ANK3: variants seen among roughly 807,000 people sequenced by gnomAD.
ANK3 encodes the protein ankyrin 3.
Under a neutral mutation model 370.9 loss-of-function variants are expected in ANK3, and 57 were observed. That is an observed-to-expected ratio of 0.15 (90% confidence interval 0.12 to 0.19). The LOEUF is 0.19. Ranked by LOEUF, ANK3 falls within the 10% of genes least tolerant of loss-of-function variation. ANK3 has a pLI of 1.00. For synonymous variants in ANK3, 1,929 were observed against 1,946.3 expected (o/e 0.99, Z 0.23); for missense variants, 4,439 against 5,302.1 (o/e 0.84, Z 5.06).
chr10:60,049,321 G>A (rs2077478899), intron 42 of ANK3, among the ~76,000 whole-genome samples: 1 of 152,206 alleles, frequency 6.6e-6, no homozygotes, highest in South Asian at 2.1e-4. Context: ...GGGCGCAGTG[G>A]CTCACGCCTG....
At chr10:60,274,514 G>C (rs146363117) in intron 4 of ANK3, among the ~76,000 whole-genome samples, 4 of 152,264 alleles carry the variant, frequency 2.6e-5, no homozygotes, top group African/African-American at 9.6e-5. Flanking sequence ...GACTGAGACA[G>C]AGAAGCTTGC....
At chr10:60,464,335 C>T (rs1023748434) in intron 2 of ANK3, among the ~76,000 whole-genome samples, 1 of 152,060 alleles carries the variant, frequency 6.6e-6, no homozygotes, top group African/African-American at 2.4e-5. Flanking sequence ...AAATGTGATG[C>T]TTCAAATTAA....
intron 2 of ANK3, among the ~76,000 whole-genome samples, chr10:60,521,968 G>A (rs2076358164): frequency 6.6e-6 from 1 of 152,116 alleles, no homozygotes; most frequent in African/African-American, 2.4e-5. Flanking sequence ...ATGGAGGGGA[G>A]ACTAGGTAGC....
At chr10:60,384,739 A>G (rs1030363292) in intron 1 of ANK3, among the ~76,000 whole-genome samples, 3 of 152,130 alleles carry the variant, frequency 2.0e-5, no homozygotes, top group African/African-American at 7.2e-5. Context: ...CTAGTGTAGA[A>G]TAAGTGGTCA....
intron 1 of ANK3, among the ~76,000 whole-genome samples, chr10:60,299,253 C>T (rs2043185147): frequency 6.6e-6 from 1 of 151,890 alleles, no homozygotes; most frequent in South Asian, 2.1e-4. Flanking sequence ...AATATTTTCG[C>T]AAAAAATATT....
At position 60,659,788 on chromosome 10, in the gene ANK3, C is replaced by A. The variant is rs201882280; in HGVS notation, c.58-44564G>T. Among the ~76,000 whole-genome samples, 43 of 152,120 alleles carry A rather than the reference C, an allele frequency of 2.8e-4. No homozygotes were observed. The East Asian group carries it at 6.9e-3, about 25-fold the overall frequency. ...GGAAAAGACAACTGGCTGCCTTCTA[C>A]ACAAAGGCAAATTAAGATCTAGAAA... On this transcript the variant is annotated intron_variant, in intron 1 of 43. Transcript: ENST00000373827.
chr10:60,694,620 A>G (rs1485915558), intron 1 of ANK3, among the ~76,000 whole-genome samples: 1 of 152,224 alleles, frequency 6.6e-6, no homozygotes, highest in East Asian at 1.9e-4. Context: ...AGAATTTTCA[A>G]CCCAGAATTT....
intron 43 of ANK3, among the ~76,000 whole-genome samples, chr10:60,033,480 A>G (rs2074160751): frequency 7.9e-6 from 1 of 125,866 alleles, no homozygotes; most frequent in African/African-American, 3.1e-5. Context: ...GGGCCATCAC[A>G]CTCCAGCCTG....
At chr10:60,466,379 C>A (rs183080836) in intron 2 of ANK3, among the ~76,000 whole-genome samples, 19 of 152,240 alleles carry the variant, frequency 1.2e-4, no homozygotes, top group Admixed American at 2.6e-4. Context: ...ACGCCCTAAT[C>A]ACTTTACATG....
intron 1 of ANK3, among the ~76,000 whole-genome samples, chr10:60,731,276 A>G (rs2080018658): frequency 6.6e-6 from 1 of 152,210 alleles, no homozygotes; most frequent in African/African-American, 2.4e-5. Flanking sequence ...ATATACATAC[A>G]CTAATATAAA....
chr10:60,645,947 G>A (rs1345899011), intron 1 of ANK3, among the ~76,000 whole-genome samples: 1 of 152,154 alleles, frequency 6.6e-6, no homozygotes, highest in Non-Finnish European at 1.5e-5. Flanking sequence ...TTTAATTAGA[G>A]TTGTGATAAA....
rs551952608 is a variant in ANK3, at chr10:60,113,468, G to A, written c.2948+757C>T. Among the ~76,000 whole-genome samples the A allele has an allele frequency of 4.3e-4, 65 of 152,262 alleles. 1 individual carries two copies. Among genetic ancestry groups the A allele is most frequent in the South Asian group, 1.5e-3 (7 of 4,820 alleles). On this transcript the variant is annotated intron_variant, in intron 26 of 43. Transcript: ENST00000280772. ...TCATGCCTGTAATCCCAGCAGTTTG[G>A]GAGGCAAAGGCGGGCAGATTGCTTA...
intron 1 of ANK3, among the ~76,000 whole-genome samples, chr10:60,688,034 A>G (rs897613050): frequency 2.3e-4 from 35 of 152,302 alleles, no homozygotes; most frequent in African/African-American, 8.2e-4. Context: ...CAAAGAGTGA[A>G]ATGGTGGTTC....
intron 2 of ANK3, among the ~76,000 whole-genome samples, chr10:60,485,131 A>C (rs982510738): frequency 6.6e-6 from 1 of 152,184 alleles, no homozygotes; most frequent in Non-Finnish European, 1.5e-5. Flanking sequence ...TGCTAACTCA[A>C]GCAAGTCACT....
intron 1 of ANK3, among the ~76,000 whole-genome samples, chr10:60,699,277 AAAAT>A (rs1232722144): frequency 2.0e-5 from 3 of 152,100 alleles, no homozygotes; most frequent in Admixed American, 6.6e-5. Context: ...AACCCATGGA[AAAAT>A]AAATAGATTA....
chr10:60,510,872 T>C (rs893010891), intron 2 of ANK3, among the ~76,000 whole-genome samples: 4 of 151,864 alleles, frequency 2.6e-5, no homozygotes, highest in African/African-American at 9.7e-5. Context: ...GCATCAGAGG[T>C]GAAAGCCCAC....
chr10:60,686,711 T>C (rs936367936), intron 1 of ANK3, among the ~76,000 whole-genome samples: 11 of 152,208 alleles, frequency 7.2e-5, no homozygotes, highest in Non-Finnish European at 1.5e-4. Context: ...TTATCCTTTG[T>C]TCATGACACA....
intron 2 of ANK3, among the ~76,000 whole-genome samples, chr10:60,591,317 T>C (rs2077909899): frequency 6.8e-6 from 1 of 148,044 alleles, no homozygotes; most frequent in Non-Finnish European, 1.5e-5. Flanking sequence ...ATTTATTTAT[T>C]TATTTATTTA....
rs1595320380 is a variant in ANK3, at chr10:60,585,608, G to A, written c.96+29578C>T. 2.0e-5 allele frequency among the ~76,000 whole-genome samples: 3 copies of A among 152,250 alleles called. No homozygotes were observed. In the East Asian group the frequency reaches 5.8e-4, roughly 29 times the overall value. The stretch of plus-strand genomic sequence containing the variant: ...CCTCTAAATGAGAGATATAGCCAAG[G>A]GAATTAGGAAGTAAAGGAAACAACA... On this transcript the variant is annotated intron_variant, in intron 2 of 43. Coordinates refer to the ANK3 transcript ENST00000373827.
Sources: allele counts gnomAD v4.1 joint callset (sites outside exome capture counted in the v4.1 genomes callset), GRCh38; gene constraint gnomAD v4.1.1; transcripts MANE v1.5; gene names NCBI Gene and HGNC (gene_info 2026-07-23, HGNC 2026-07-21).